The following NRXN2 variants were observed in gnomAD, a reference collection of about 807,000 sequenced individuals.
The protein encoded by NRXN2 is neurexin-2-beta.
In NRXN2, 29 loss-of-function variants were observed where a neutral mutation model predicts 128.8. The ratio of observed to expected loss-of-function variants is 0.23; its 90% CI spans 0.17 to 0.31. The LOEUF is 0.31. NRXN2 is among the 10% of genes least tolerant of loss of function. The pLI is 1.00. For synonymous variants in NRXN2, 1,098 were observed against 1,075.2 expected (o/e 1.02, Z -0.41); for missense variants, 1,881 against 2,452.6 (o/e 0.77, Z 4.92).
intron 3 of NRXN2, among the ~76,000 whole-genome samples, 167 bp downstream of exon 3, chr11:64,697,608 G>A (rs936424502): frequency 4.6e-5 from 7 of 152,138 alleles, no homozygotes; most frequent in African/African-American, 1.4e-4. Flanking sequence ...AAGAGGGGAC[G>A]CAAGAGAGTG....
intron 15 of NRXN2, among the ~76,000 whole-genome samples, 164 bp from the exon 16 acceptor site, chr11:64,649,071 C>T (rs578025795): frequency 2.0e-5 from 3 of 152,162 alleles, no homozygotes; most frequent in East Asian, 1.9e-4. Flanking sequence ...CCGCACCCCC[C>T]CAACACACTT....
chr11:64,706,080 TATATATA>T (rs2056231367), intron 2 of NRXN2, among the ~76,000 whole-genome samples: 1 of 74,112 alleles, frequency 1.3e-5, no homozygotes, highest in East Asian at 4.3e-4. Flanking sequence ...ATATATATAA[TATATATA>T]ATATATATTA....
rs1332657481 is a variant in NRXN2 at position 64,642,651 on chromosome 11, G to A, written c.3403+5568C>T. 3 of 1,589,346 alleles carry A rather than the reference G, an allele frequency of 1.9e-6. No individual in the cohort carries two copies. In the South Asian group the frequency reaches 3.4e-5, roughly 18 times the overall value. On this transcript the variant is annotated intron_variant, in intron 17 of 22. Transcript: ENST00000265459. ...TGGTGCTGAGGCTGGAGGAGACCCG[G>A]GCCCCCTCGGCCGCCCCCAGCAGCA...
At chr11:64,712,040 G>GT (rs2056951132) in intron 2 of NRXN2, among the ~76,000 whole-genome samples, 1 of 152,176 alleles carries the variant, frequency 6.6e-6, no homozygotes, top group Non-Finnish European at 1.5e-5. Flanking sequence ...TCCCGCCCTT[G>GT]GCTCGCGGAC....
In NRXN2 at chr11:64,607,888, C is replaced by A; in HGVS notation, c.4447G>T (p.Asp1483Tyr). ...SGGPCQAERDDSDCEEPIEAS... is the reference protein window; with the variant it reads ...SGGPCQAERDYSDCEEPIEAS... ...TCGATGGGCTCCTCGCAGTCGCTGT[C>A]GTCCCGCTCGGCCTGGCACGGGCCC... Residue 1483 changes from aspartate (D) to tyrosine (Y), a missense_variant, in exon 23 of 23, where the codon GAC becomes TAC. By Grantham distance (160) the Asp-to-Tyr change is radical. Transcript: ENST00000265459. The A allele has an allele frequency of 6.3e-7, 1 of 1,576,600 alleles. No individual in the cohort carries two copies. The highest frequency in any genetic ancestry group is 8.6e-7 in the Non-Finnish European group (1 of 1,162,108).
In NRXN2 at chr11:64,648,719, C is replaced by T; in HGVS notation, c.3283+15G>A. 6.2e-7 allele frequency: 1 copy of T among 1,612,996 alleles called. No homozygotes were observed. Among genetic ancestry groups the T allele is most frequent in the Non-Finnish European group, 8.5e-7 (1 of 1,179,902 alleles). On this transcript the variant is annotated intron_variant, in intron 16 of 22. Coordinates refer to ENST00000265459, the MANE Select transcript of NRXN2 (RefSeq NM_015080.4). This position sits in a 1 kb window ranked among gnomAD's most constrained non-coding sequence, Gnocchi z 4.1. ...GCCAGTAGGGCCACACCTCACTCCT[C>T]CACCCTCCACTCACCATCACAGCCC...
chr11:64,679,363 C>A (rs749263739), intron 6 of NRXN2, among the ~76,000 whole-genome samples: 2 of 152,102 alleles, frequency 1.3e-5, no homozygotes, highest in African/African-American at 2.4e-5. Context: ...GAGGGCCAGG[C>A]GTGGTGGGTC....
intron 22 of NRXN2, 93 bp downstream of exon 22, chr11:64,620,201 C>T (rs2042108928): frequency 1.0e-6 from 1 of 994,202 alleles, no homozygotes; most frequent in South Asian, 1.4e-5. Flanking sequence ...GGCAGCAGGC[C>T]CTGGGGCTTG....
intron 7 of NRXN2, among the ~76,000 whole-genome samples, chr11:64,672,823 T>C (rs2050804885): frequency 6.6e-6 from 1 of 152,092 alleles, no homozygotes; most frequent in African/African-American, 2.4e-5. Context: ...GAGACTCGGG[T>C]TGGAAAGACA....
intron 1 of NRXN2, among the ~76,000 whole-genome samples, chr11:64,717,942 C>T (rs1381195074): frequency 6.6e-6 from 1 of 152,180 alleles, no homozygotes; most frequent in African/African-American, 2.4e-5. Flanking sequence ...TCAGGTGCCC[C>T]ACTCTAAAGC....
chr11:64,701,134 C>T (rs905284250), intron 2 of NRXN2, among the ~76,000 whole-genome samples: 1 of 152,170 alleles, frequency 6.6e-6, no homozygotes. Context: ...TGCCCTCTAC[C>T]GCCACTCTTT....
intron 20 of NRXN2, 105 bp downstream of exon 20, chr11:64,626,358 G>C (rs918144850): frequency 3.5e-6 from 3 of 861,976 alleles, no homozygotes; most frequent in African/African-American, 3.4e-5. Flanking sequence ...CCTTCACTTG[G>C]GGGTGGGCAT....
At chr11:64,701,726 A>G (rs942346514) in intron 2 of NRXN2, among the ~76,000 whole-genome samples, 5 of 152,220 alleles carry the variant, frequency 3.3e-5, no homozygotes, top group African/African-American at 1.2e-4. Flanking sequence ...ACGACGGAGA[A>G]GACTTTGCCT....
rs1464900506 is a variant in NRXN2 at position 64,713,656 on chromosome 11, A to G, written c.44T>C (p.Leu15Pro). The G allele has an allele frequency of 1.7e-6, 2 of 1,209,904 alleles. No homozygotes were observed. Among genetic ancestry groups the G allele is most frequent in the East Asian group, 3.8e-5 (1 of 26,220 alleles). 74.9% of individuals were successfully genotyped at this position (1,209,904 alleles called of 1,614,324 possible). A position where few individuals can be genotyped will look rare whatever the true frequency, so the allele number is the denominator to read the frequency against. Residue 15 changes from leucine (L) to proline (P), a missense_variant, in exon 2 of 23, where the codon CTG becomes CCG. Around this residue, in one of 7 missense-constraint regions of NRXN2, gnomAD observed 997 missense variants for 1,240.8 expected, o/e 0.80. Coordinates refer to ENST00000265459, the MANE Select transcript of NRXN2 (RefSeq NM_015080.4). ...SRWRPTPPPLLLLLLLALAAR... is the reference protein window; with the variant it reads ...SRWRPTPPPLPLLLLLALAAR... Reference sequence around the variant, plus strand: ...CGCCAGCGCCAGCAGCAGCAGCAACAGCAGCGGCGGCGGTGTCGGCCGCCA... The same window carrying G: ...CGCCAGCGCCAGCAGCAGCAGCAACGGCAGCGGCGGCGGTGTCGGCCGCCA...
intron 7 of NRXN2, among the ~76,000 whole-genome samples, chr11:64,672,044 C>T (rs1177798469): frequency 1.3e-5 from 2 of 152,192 alleles, no homozygotes; most frequent in African/African-American, 4.8e-5. Context: ...CGAGTGGGTA[C>T]TGAGCTGGCC....
At chr11:64,609,315 G>C (rs2040243739) in intron 22 of NRXN2, among the ~76,000 whole-genome samples, 1 of 152,020 alleles carries the variant, frequency 6.6e-6, no homozygotes, top group Admixed American at 6.5e-5. Flanking sequence ...ACTGCCTCTG[G>C]CCCTCTTATT....
chr11:64,625,629 C>A (rs781473528), intron 20 of NRXN2, among the ~76,000 whole-genome samples: 1 of 152,100 alleles, frequency 6.6e-6, no homozygotes, highest in Non-Finnish European at 1.5e-5. Context: ...TAGAGTTTAG[C>A]CTTAGAGGTA....
rs987405925 is a variant in NRXN2, at chr11:64,606,596, C to G, written c.*600G>C. 5 of 147,246 alleles carry G rather than the reference C, an allele frequency of 3.4e-5. No individual in the cohort carries two copies. The highest frequency in any genetic ancestry group is 6.7e-5 in the Admixed American group (1 of 14,896). 9.1% of individuals were successfully genotyped at this position (147,246 alleles called of 1,614,324 possible). A position where few individuals can be genotyped will look rare whatever the true frequency, so the allele number is the denominator to read the frequency against. On this transcript the variant is annotated 3_prime_UTR_variant, in exon 23 of 23. Coordinates refer to ENST00000265459, the MANE Select transcript of NRXN2 (RefSeq NM_015080.4). Reference sequence around the variant, plus strand: ...GGTGAGGGGAGTTGGGGCACTTGCCCCACCCCACCCCACCCACCCACTGGG... The same window carrying G: ...GGTGAGGGGAGTTGGGGCACTTGCCGCACCCCACCCCACCCACCCACTGGG...
chr11:64,611,988 G>GT (rs1198110836), intron 22 of NRXN2, among the ~76,000 whole-genome samples: 1 of 148,790 alleles, frequency 6.7e-6, no homozygotes, highest in Non-Finnish European at 1.5e-5. Flanking sequence ...TTTCCTCCCA[G>GT]TGTCCCACAC....
Sources: allele counts gnomAD v4.1 joint callset (sites outside exome capture counted in the v4.1 genomes callset), GRCh38; gene constraint gnomAD v4.1.1; regional missense constraint gnomAD v4.1.1; non-coding constraint Gnocchi (gnomAD v3.1); transcripts MANE v1.5; gene names NCBI Gene and HGNC (gene_info 2026-07-23, HGNC 2026-07-21).